The following PLD1 variants were observed in gnomAD, a reference collection of about 807,000 sequenced individuals.
PLD1 encodes the protein phospholipase D1, also known as choline phosphatase 1.
A neutral mutation model predicts 137.1 loss-of-function variants in PLD1; 112 were observed. The ratio of observed to expected loss-of-function variants is 0.82; its 90% CI spans 0.70 to 0.96. PLD1 has a LOEUF of 0.96. Among genes scored for constraint, PLD1 ranks in the 40% least tolerant of loss-of-function variants. The probability of loss-of-function intolerance (pLI) is 0.00; values close to 1 mark genes in which losing one functional copy is unlikely to be tolerated. For missense variants in PLD1, 1,321 were observed against 1,342.0 expected (o/e 0.98, Z 0.24); for synonymous variants, 431 against 454.7 (o/e 0.95, Z 0.66).
In PLD1 at chr3:171,602,145, T is replaced by G. The variant is rs1461343042; in HGVS notation, c.*933A>C. 1 of 152,212 alleles carries G rather than the reference T, an allele frequency of 6.6e-6. No homozygotes were observed. Among genetic ancestry groups the G allele is most frequent in the East Asian group, 1.9e-4 (1 of 5,202 alleles). 9.4% of individuals were successfully genotyped at this position (152,212 alleles called of 1,614,324 possible). ...TGATTTTGAAATGTAGAGATCAAAT[T>G]TCAATCAACCCAGCAGCTAAGGATG... is the stretch of plus-strand genomic sequence containing the variant. On this transcript the variant is annotated 3_prime_UTR_variant, in exon 27 of 27. Transcript: ENST00000351298.
At chr3:171,639,910 G>A (rs1171032081) in intron 23 of PLD1, among the ~76,000 whole-genome samples, 2 of 143,582 alleles carry the variant, frequency 1.4e-5, no homozygotes, top group Non-Finnish European at 3.0e-5. Context: ...CTAATACAAT[G>A]TCTTTAAAGG....
intron 11 of PLD1, among the ~76,000 whole-genome samples, chr3:171,703,425 A>G (rs1716411548): frequency 6.6e-6 from 1 of 152,244 alleles, no homozygotes; most frequent in Non-Finnish European, 1.5e-5. Flanking sequence ...ATAATCATCT[A>G]TAGGACAACC....
chr3:171,688,113 T>G (rs1714761879), intron 14 of PLD1, among the ~76,000 whole-genome samples: 1 of 151,882 alleles, frequency 6.6e-6, no homozygotes, highest in South Asian at 2.1e-4. Context: ...AATAAGTGTA[T>G]TCATATTCTG....
chr3:171,751,325 C>T (rs934874350), intron 1 of PLD1, among the ~76,000 whole-genome samples: 1 of 152,068 alleles, frequency 6.6e-6, no homozygotes, highest in Non-Finnish European at 1.5e-5. Context: ...GCTATAAATT[C>T]AACTACTCTA....
Position 171,603,314 on chromosome 3 carries a change from A to G in PLD1, c.3001-12T>C. The stretch of plus-strand genomic sequence containing the variant: ...AGGCACCGGAAAACCTGATTAGAGC[A>G]TAAATAGAAAAATGAGTGAAAAGTT... On this transcript the variant is annotated splice_polypyrimidine_tract_variant and intron_variant, in intron 26 of 26. Transcript: ENST00000351298. The G allele has an allele frequency of 2.5e-6, 4 of 1,593,794 alleles. No individual in the cohort carries two copies. Among genetic ancestry groups the G allele is most frequent in the Non-Finnish European group, 3.4e-6 (4 of 1,162,330 alleles).
chr3:171,682,873 T>C (rs934520498), intron 16 of PLD1, among the ~76,000 whole-genome samples: 1 of 152,214 alleles, frequency 6.6e-6, no homozygotes, highest in African/African-American at 2.4e-5. Context: ...CATGATCCTT[T>C]GGCTTTTCTT....
chr3:171,689,386 G>A (rs1159614722), intron 13 of PLD1, among the ~76,000 whole-genome samples: 1 of 152,108 alleles, frequency 6.6e-6, no homozygotes, highest in Non-Finnish European at 1.5e-5. Flanking sequence ...GTAACCTCTT[G>A]CTTTCAAAAT....
intron 1 of PLD1, among the ~76,000 whole-genome samples, chr3:171,744,041 C>T (rs1719964496): frequency 6.6e-6 from 1 of 152,198 alleles, no homozygotes; most frequent in Non-Finnish European, 1.5e-5. Context: ...CCCTGAGAGG[C>T]GTGTAACATG....
intron 1 of PLD1, chr3:171,789,241 G>A (rs950235212): frequency 6.6e-6 from 1 of 152,246 alleles, no homozygotes; most frequent in African/African-American, 2.4e-5. Flanking sequence ...GGCACGTTCT[G>A]GAACCAAAAA....
At chr3:171,696,536 GA>G (rs1715712126) in intron 12 of PLD1, among the ~76,000 whole-genome samples, 1 of 152,170 alleles carries the variant, frequency 6.6e-6, no homozygotes. Flanking sequence ...CAATCAGATA[GA>G]AGAAAATAAA....
At chr3:171,789,864 C>G (rs1005080493) in intron 1 of PLD1, 2 of 152,194 alleles carry the variant, frequency 1.3e-5, no homozygotes, top group Admixed American at 6.5e-5. Flanking sequence ...TTCATGACTA[C>G]TAAATAATAG....
At chr3:171,626,691 C>T (rs1734141403) in intron 23 of PLD1, among the ~76,000 whole-genome samples, 1 of 151,626 alleles carries the variant, frequency 6.6e-6, no homozygotes, top group South Asian at 2.1e-4. Context: ...GAGTGGGGGC[C>T]AATATTCAAC....
At chr3:171,707,061 C>T (rs1469207235) in intron 11 of PLD1, among the ~76,000 whole-genome samples, 1 of 152,138 alleles carries the variant, frequency 6.6e-6, no homozygotes, top group Non-Finnish European at 1.5e-5. Context: ...AAAACTAACA[C>T]AGGAACAAAA....
chr3:171,685,813 C>T (rs527344839), intron 16 of PLD1, among the ~76,000 whole-genome samples: 12 of 152,194 alleles, frequency 7.9e-5, no homozygotes, highest in Admixed American at 7.9e-4. Context: ...CACATCCACC[C>T]AAAGGCCTTC....
intron 1 of PLD1, among the ~76,000 whole-genome samples, chr3:171,764,938 GAAAGAAAGAAAGAAA>G (rs1721827815): frequency 2.1e-3 from 13 of 6,214 alleles, no homozygotes; most frequent in Non-Finnish European, 3.1e-3. Context: ...AGAAAGGAAA[GAAAGAAAGAAAGAAA>G]GAAAGAAAGA....
At chr3:171,726,684 A>T (rs1044864812) in intron 6 of PLD1, among the ~76,000 whole-genome samples, 7 of 152,374 alleles carry the variant, frequency 4.6e-5, no homozygotes, top group Middle Eastern at 3.4e-3. Context: ...GTTGAAGAGG[A>T]AGAGAATTTT....
intron 21 of PLD1, among the ~76,000 whole-genome samples, chr3:171,645,504 T>A (rs1406470528): frequency 6.6e-6 from 1 of 152,288 alleles, no homozygotes; most frequent in Non-Finnish European, 1.5e-5. Context: ...ACTGGACCCA[T>A]TACATTTTCC....
intron 1 of PLD1, chr3:171,771,316 A>C (rs143688107): frequency 6.6e-6 from 1 of 152,306 alleles, no homozygotes; most frequent in Non-Finnish European, 1.5e-5. Flanking sequence ...TGAGAATCCA[A>C]ATAAACGGGC....
intron 21 of PLD1, among the ~76,000 whole-genome samples, chr3:171,652,103 G>A (rs1054305351): frequency 1.3e-5 from 2 of 152,140 alleles, no homozygotes; most frequent in Non-Finnish European, 2.9e-5. Flanking sequence ...TGAAACCAAT[G>A]ATTGGCATAC....
Sources: gnomAD v4.1 joint callset for allele counts (sites outside exome capture counted in the v4.1 genomes callset) on GRCh38, gnomAD v4.1.1 for gene constraint, MANE v1.5 for transcripts, NCBI Gene and HGNC (gene_info 2026-07-23, HGNC 2026-07-21) for gene names.